Variants in TRAPPC9 observed in about 807,000 individuals in gnomAD.
TRAPPC9 encodes the protein IKK2 binding protein.
Under a neutral mutation model 124.0 loss-of-function variants are expected in TRAPPC9, and 83 were observed. The ratio of observed to expected loss-of-function variants is 0.67; its 90% confidence interval spans 0.56 to 0.80. TRAPPC9 has a LOEUF of 0.80. Among genes scored for constraint, TRAPPC9 ranks in the 30% least tolerant of loss-of-function variants. The pLI, the probability that TRAPPC9 is intolerant of heterozygous loss-of-function variation, is 0.00. For synonymous variants in TRAPPC9, 638 were observed against 617.5 expected (o/e 1.03, Z -0.49); for missense variants, 1,302 against 1,508.3 (o/e 0.86, Z 2.27).
At chr8:140,344,618 CA>C (rs907101804) in intron 9 of TRAPPC9, among the ~76,000 whole-genome samples, 1 of 152,234 alleles carries the variant, frequency 6.6e-6, no homozygotes, top group Non-Finnish European at 1.5e-5. Context: ...TGCCAAGACC[CA>C]GGGGGAAGCT....
chr8:140,420,564 G>T lies in TRAPPC9; in HGVS notation c.886+6051C>A, dbSNP rs538220575. ...TTTCTAAATTCTCTATAATGAAGAT[G>T]ACTTTTACAATAAGGAAAAAACATG... On this transcript the variant is annotated intron_variant, in intron 5 of 22. Coordinates refer to ENST00000438773, the MANE Select transcript of TRAPPC9 (RefSeq NM_001160372.4). 1.3e-3 allele frequency among the ~76,000 whole-genome samples: 198 copies of T among 151,950 alleles called. 1 individual carries two copies. The highest frequency in any genetic ancestry group is 4.6e-3 in the African/African-American group (190 of 41,450).
At chr8:140,077,032 A>G (rs185695630) in intron 17 of TRAPPC9, among the ~76,000 whole-genome samples, 1 of 152,174 alleles carries the variant, frequency 6.6e-6, no homozygotes, top group African/African-American at 2.4e-5. Flanking sequence ...TGCGCATGGT[A>G]GCACACACCT....
chr8:140,161,698 T>A (rs1476161935), intron 17 of TRAPPC9, among the ~76,000 whole-genome samples: 1 of 151,922 alleles, frequency 6.6e-6, no homozygotes, highest in Non-Finnish European at 1.5e-5. Context: ...GGATTTCAAG[T>A]TAGGGATGCC....
At chr8:140,090,817 A>G (rs1245529994) in intron 17 of TRAPPC9, among the ~76,000 whole-genome samples, 1 of 152,198 alleles carries the variant, frequency 6.6e-6, no homozygotes, top group Non-Finnish European at 1.5e-5. Flanking sequence ...CTTCCCATGC[A>G]GCTGTTCATT....
At chr8:140,434,256 T>G (rs1469950456) in intron 4 of TRAPPC9, among the ~76,000 whole-genome samples, 2 of 152,214 alleles carry the variant, frequency 1.3e-5, no homozygotes, top group Non-Finnish European at 2.9e-5. Context: ...TGTTGCTTCC[T>G]TCTTTGTGAC....
intron 17 of TRAPPC9, among the ~76,000 whole-genome samples, chr8:140,139,400 A>C (rs1161106553): frequency 6.6e-6 from 1 of 152,230 alleles, no homozygotes; most frequent in Non-Finnish European, 1.5e-5. Flanking sequence ...AGAGAGACAC[A>C]GAATTTCCGA....
chr8:139,840,578 G>A lies in TRAPPC9; in HGVS notation c.3055+45301C>T, dbSNP rs746525258. Among the ~76,000 whole-genome samples the A allele has an allele frequency of 6.2e-4, 95 of 152,330 alleles. 2 individuals carry two copies. Among genetic ancestry groups the A allele is most frequent in the Middle Eastern group, 3.4e-3 (1 of 294 alleles). ...TGTTCCTGGAGAACAGACCAGAAAC[G>A]CAGCCTGACCCTAAACCCTAGTGGG... is the stretch of plus-strand genomic sequence containing the variant. On this transcript the variant is annotated intron_variant, in intron 21 of 22. Coordinates refer to ENST00000438773, the MANE Select transcript of TRAPPC9 (RefSeq NM_001160372.4).
At chr8:139,815,584 G>A (rs1824773346) in intron 21 of TRAPPC9, among the ~76,000 whole-genome samples, 1 of 152,068 alleles carries the variant, frequency 6.6e-6, no homozygotes, top group Admixed American at 6.5e-5. Flanking sequence ...CAGAGACAGG[G>A]TTTCACCATG....
At chr8:139,918,610 A>G (rs1310847788) in intron 19 of TRAPPC9, among the ~76,000 whole-genome samples, 1 of 152,206 alleles carries the variant, frequency 6.6e-6, no homozygotes, top group Non-Finnish European at 1.5e-5. Context: ...TTCCCCGAGC[A>G]GTGCTGTTCT....
intron 9 of TRAPPC9, among the ~76,000 whole-genome samples, chr8:140,311,635 G>A (rs533321650): frequency 3.3e-5 from 5 of 152,280 alleles, no homozygotes; most frequent in Admixed American, 1.3e-4. Flanking sequence ...CATTTTCCAA[G>A]AAAATAAACC....
At chr8:139,833,578 G>T (rs148261361) in intron 21 of TRAPPC9, among the ~76,000 whole-genome samples, 1 of 152,264 alleles carries the variant, frequency 6.6e-6, no homozygotes, top group South Asian at 2.1e-4. Flanking sequence ...TACTCGAAGC[G>T]GAGGCTTGCC....
intron 11 of TRAPPC9, among the ~76,000 whole-genome samples, 180 bp downstream of exon 11, chr8:140,300,289 A>G (rs2065934386): frequency 1.4e-5 from 2 of 142,752 alleles, no homozygotes; most frequent in Non-Finnish European, 1.5e-5. Context: ...ATGCACACAT[A>G]CATATGCATG....
At chr8:139,987,643 G>A (rs2131702230) in intron 19 of TRAPPC9, among the ~76,000 whole-genome samples, 1 of 152,308 alleles carries the variant, frequency 6.6e-6, no homozygotes, top group East Asian at 1.9e-4. Context: ...TATGTTTGAA[G>A]TCTTCAGCAA....
At chr8:140,130,141 G>A (rs953838948) in intron 17 of TRAPPC9, among the ~76,000 whole-genome samples, 1 of 152,196 alleles carries the variant, frequency 6.6e-6, no homozygotes, top group African/African-American at 2.4e-5. Flanking sequence ...GGCAATCTGG[G>A]TATCAAAATA....
chr8:140,103,928 G>A (rs529113024), intron 17 of TRAPPC9, among the ~76,000 whole-genome samples: 1 of 152,346 alleles, frequency 6.6e-6, no homozygotes, highest in South Asian at 2.1e-4. Flanking sequence ...GAGAGACAGT[G>A]TATACCACCA....
chr8:139,829,195 G>A (rs747843221), intron 21 of TRAPPC9, among the ~76,000 whole-genome samples: 3 of 152,242 alleles, frequency 2.0e-5, no homozygotes, highest in South Asian at 2.1e-4. Context: ...GTACGGAGAC[G>A]CCCTTCCGGA....
At chr8:139,949,406 T>C (rs1003547081) in intron 19 of TRAPPC9, among the ~76,000 whole-genome samples, 4 of 152,202 alleles carry the variant, frequency 2.6e-5, no homozygotes, top group African/African-American at 9.7e-5. Context: ...GAGACATCCG[T>C]GGGCAATGAG....
intron 19 of TRAPPC9, chr8:139,933,058 T>C (rs1563932406): frequency 6.3e-6 from 1 of 157,550 alleles, no homozygotes; most frequent in Admixed American, 6.2e-5. Flanking sequence ...AACATCTCTC[T>C]TCTCGAGACC....
chr8:139,963,843 T>C (rs1480414444), intron 19 of TRAPPC9, among the ~76,000 whole-genome samples: 1 of 147,160 alleles, frequency 6.8e-6, no homozygotes. Flanking sequence ...ACAGAAACAA[T>C]GGAATCAATT....
Sources: allele counts gnomAD v4.1 joint callset (sites outside exome capture counted in the v4.1 genomes callset), GRCh38; gene constraint gnomAD v4.1.1; transcripts MANE v1.5; gene names NCBI Gene and HGNC (gene_info 2026-07-23, HGNC 2026-07-21).